Variants in SAMSN1 observed in about 807,000 individuals in gnomAD.
The protein encoded by SAMSN1 is SAM domain, SH3 domain and nuclear localization signals 1.
A neutral mutation model predicts 42.0 loss-of-function variants in SAMSN1; 31 were observed. The observed-to-expected ratio is 0.74, with a 90% CI of 0.55 to 1.00. SAMSN1 has a LOEUF of 1.00. Among genes scored for constraint, SAMSN1 ranks in the 50% least tolerant of loss-of-function variants. The pLI is 0.00. For synonymous variants in SAMSN1, 178 were observed against 151.9 expected, an observed-to-expected ratio of 1.17 and a Z score of -1.26; for missense variants, 464 against 439.4, an observed-to-expected ratio of 1.06 and a Z score of -0.50.
chr21:14,543,047 C>G (rs1029934509), intron 1 of SAMSN1, among the ~76,000 whole-genome samples: 1 of 152,212 alleles, frequency 6.6e-6, no homozygotes, highest in Non-Finnish European at 1.5e-5. Context: ...GAATACTTAA[C>G]TATTATTCTC....
intron 1 of SAMSN1, among the ~76,000 whole-genome samples, chr21:14,521,859 G>A (rs544181735): frequency 1.1e-3 from 158 of 149,030 alleles, no homozygotes; most frequent in African/African-American, 3.6e-3. Context: ...CATGTACCCC[G>A]AAAATTAAAA....
chr21:14,544,840 T>C (rs1316643076), intron 1 of SAMSN1, among the ~76,000 whole-genome samples: 1 of 152,114 alleles, frequency 6.6e-6, no homozygotes, highest in Non-Finnish European at 1.5e-5. Flanking sequence ...TACTCTCTCT[T>C]TAGATTTTAA....
intron 3 of SAMSN1, among the ~76,000 whole-genome samples, chr21:14,514,116 T>A (rs1427668852): frequency 6.6e-6 from 1 of 152,206 alleles, no homozygotes; most frequent in Non-Finnish European, 1.5e-5. Context: ...GTAGGGTTCC[T>A]GTAATGGAAA....
chr21:14,611,223 G>GTGAT, intron 4 of SAMSN1, among the ~76,000 whole-genome samples: 1 of 152,234 alleles, frequency 6.6e-6, no homozygotes, highest in African/African-American at 2.4e-5. Context: ...ACATTGGGCT[G>GTGAT]TGATAGTTTC....
intron 2 of SAMSN1, among the ~76,000 whole-genome samples, chr21:14,572,913 C>T (rs896138313): frequency 5.3e-5 from 8 of 152,198 alleles, no homozygotes; most frequent in African/African-American, 1.9e-4. Flanking sequence ...GCTCTGCCAC[C>T]TGCATAAATC....
At chr21:14,571,845 C>T (rs182063589) in intron 2 of SAMSN1, among the ~76,000 whole-genome samples, 3 of 152,252 alleles carry the variant, frequency 2.0e-5, no homozygotes, top group African/African-American at 7.2e-5. Flanking sequence ...AGAGTACCCC[C>T]AAGAAGCTAA....
chr21:14,599,501 C>T (rs559338575), intron 6 of SAMSN1, among the ~76,000 whole-genome samples: 2 of 152,240 alleles, frequency 1.3e-5, no homozygotes, highest in East Asian at 1.9e-4. Flanking sequence ...TACTTAGCCT[C>T]GGGTATTTCT....
At chr21:14,589,389 C>T (rs1445382553) in intron 7 of SAMSN1, among the ~76,000 whole-genome samples, 2 of 151,714 alleles carry the variant, frequency 1.3e-5, no homozygotes, top group Non-Finnish European at 2.9e-5. Flanking sequence ...AGCATAATTA[C>T]TAGTTATCTA....
intron 6 of SAMSN1, 65 bp from the exon 7 acceptor site, chr21:14,498,657 G>A: frequency 7.5e-7 from 1 of 1,334,320 alleles, no homozygotes; most frequent in Non-Finnish European, 1.0e-6. Context: ...GTTCTCTTTA[G>A]ATTTAAAGAA....
At chr21:14,639,592 G>C (rs1166550192) in intron 2 of SAMSN1, among the ~76,000 whole-genome samples, 1 of 152,034 alleles carries the variant, frequency 6.6e-6, no homozygotes, top group East Asian at 1.9e-4. Flanking sequence ...TGAACTTTAG[G>C]AGAGACATCC....
chr21:14,553,013 T>C (rs1354527326), intron 2 of SAMSN1, among the ~76,000 whole-genome samples: 1 of 152,100 alleles, frequency 6.6e-6, no homozygotes, highest in Non-Finnish European at 1.5e-5. Context: ...CTAGACTTCC[T>C]ATTTCAACTC....
At chr21:14,603,454 G>A (rs1252910407) in intron 5 of SAMSN1, among the ~76,000 whole-genome samples, 2 of 152,196 alleles carry the variant, frequency 1.3e-5, no homozygotes, top group African/African-American at 4.8e-5. Context: ...GAAGAGACAA[G>A]GCCAGAATGG....
chr21:14,547,031 T>C (rs1461014040), upstream of SAMSN1, among the ~76,000 whole-genome samples: 1 of 152,128 alleles, frequency 6.6e-6, no homozygotes, highest in Admixed American at 6.6e-5. Context: ...ATAAAATAAA[T>C]AAACAATGTT....
chr21:14,598,283 G>A (rs1041063073), intron 6 of SAMSN1: 4 of 152,082 alleles, frequency 2.6e-5, no homozygotes, highest in African/African-American at 7.2e-5. Flanking sequence ...GAGAAATGAG[G>A]CATGCAACAC....
At chr21:14,601,081 T>C (rs1982417592) in intron 6 of SAMSN1, among the ~76,000 whole-genome samples, 1 of 152,190 alleles carries the variant, frequency 6.6e-6, no homozygotes, top group Non-Finnish European at 1.5e-5. Flanking sequence ...TCTAAGTAAA[T>C]TGCACAATGC....
intron 2 of SAMSN1, among the ~76,000 whole-genome samples, chr21:14,519,539 G>A (rs1978329641): frequency 2.0e-5 from 3 of 151,956 alleles, no homozygotes; most frequent in Admixed American, 2.0e-4. Context: ...TGGCCAGGGG[G>A]AGATTTATAT....
At chr21:14,553,332 G>T (rs967514047) in intron 2 of SAMSN1, among the ~76,000 whole-genome samples, 2 of 151,664 alleles carry the variant, frequency 1.3e-5, no homozygotes, top group African/African-American at 2.4e-5. Context: ...TTATATGATT[G>T]GTTCTCTATA....
chr21:14,615,863 CAAAA>C (rs34255188), intron 3 of SAMSN1: 2,547 of 115,972 alleles, frequency 0.022, 2 homozygotes, highest in East Asian at 0.039. Flanking sequence ...ATGACAGCTG[CAAAA>C]AAAAAAAAAA....
chr21:14,611,744 T>C (rs1344333911), intron 4 of SAMSN1, among the ~76,000 whole-genome samples: 1 of 152,162 alleles, frequency 6.6e-6, no homozygotes, highest in Non-Finnish European at 1.5e-5. Flanking sequence ...GCTGGGAGAA[T>C]TGAAACCTGA....
Sources: gnomAD v4.1 joint callset for allele counts (sites outside exome capture counted in the v4.1 genomes callset) on GRCh38, gnomAD v4.1.1 for gene constraint, MANE v1.5 for transcripts, NCBI Gene and HGNC (gene_info 2026-07-23, HGNC 2026-07-21) for gene names.